Variants in GABBR2 observed in about 807,000 individuals in gnomAD.
The protein encoded by GABBR2 is gamma-aminobutyric acid type B receptor subunit 2.
In GABBR2, 23 loss-of-function variants were observed where a neutral mutation model predicts 105.6. That is an observed-to-expected ratio of 0.22 (90% confidence interval 0.16 to 0.31). The LOEUF (loss-of-function observed/expected upper bound fraction) is 0.31. GABBR2 is among the 10% of genes least tolerant of loss of function. The pLI, the probability that GABBR2 is intolerant of heterozygous loss-of-function variation, is 1.00. For missense variants in GABBR2, 734 were observed against 1,245.5 expected (o/e 0.59, Z 6.18); for synonymous variants, 478 against 499.7 (o/e 0.96, Z 0.58).
intron 11 of GABBR2, among the ~76,000 whole-genome samples, chr9:98,372,326 C>A (rs1017011300): frequency 2.0e-5 from 3 of 152,160 alleles, no homozygotes; most frequent in African/African-American, 7.2e-5. Flanking sequence ...CTCTAATACC[C>A]AGGAGACGTG....
At chr9:98,320,272 A>G (rs1164365364) in intron 13 of GABBR2, among the ~76,000 whole-genome samples, 1 of 151,796 alleles carries the variant, frequency 6.6e-6, no homozygotes, top group Admixed American at 6.6e-5. Flanking sequence ...TCAAAACGAC[A>G]ATGAGATACC....
intron 1 of GABBR2, among the ~76,000 whole-genome samples, chr9:98,588,222 C>G (rs1405490401): frequency 2.0e-5 from 3 of 152,164 alleles, no homozygotes; most frequent in African/African-American, 7.2e-5. Flanking sequence ...AAATCATGTT[C>G]AAAATTAGCC....
chr9:98,542,962 T>TTA (rs34664330), intron 2 of GABBR2, among the ~76,000 whole-genome samples: 29,676 of 152,004 alleles, frequency 0.2, 3,635 homozygotes, highest in East Asian at 0.49. Context: ...TGAAGATATT[T>TTA]TATATATATA....
intron 1 of GABBR2, among the ~76,000 whole-genome samples, chr9:98,670,172 T>C (rs933284388): frequency 6.6e-6 from 1 of 152,034 alleles, no homozygotes; most frequent in Admixed American, 6.6e-5. Flanking sequence ...AATTCACATA[T>C]ACAAATTACC....
At chr9:98,460,912 A>G (rs1826414559) in intron 6 of GABBR2, among the ~76,000 whole-genome samples, 1 of 152,232 alleles carries the variant, frequency 6.6e-6, no homozygotes, top group Non-Finnish European at 1.5e-5. Flanking sequence ...GAGGAAAAAA[A>G]GATGCATTAC....
intron 11 of GABBR2, among the ~76,000 whole-genome samples, chr9:98,382,619 T>C (rs929449216): frequency 1.3e-5 from 2 of 151,976 alleles, no homozygotes; most frequent in African/African-American, 4.8e-5. Flanking sequence ...CCGGCCCCAG[T>C]ACCATTTCCA....
intron 2 of GABBR2, 73 bp downstream of exon 2, chr9:98,577,862 G>T: frequency 7.0e-7 from 1 of 1,432,568 alleles, no homozygotes; most frequent in Middle Eastern, 2.0e-4. Context: ...CATTGTACAA[G>T]GAATAATTCC....
intron 2 of GABBR2, among the ~76,000 whole-genome samples, chr9:98,555,178 C>A (rs1638619197): frequency 6.6e-6 from 1 of 152,354 alleles, no homozygotes; most frequent in African/African-American, 2.4e-5. Flanking sequence ...GTATTTCTTA[C>A]AATCACACAG....
intron 13 of GABBR2, among the ~76,000 whole-genome samples, chr9:98,325,022 G>A (rs887814792): frequency 3.3e-5 from 5 of 152,136 alleles, no homozygotes; most frequent in Admixed American, 6.5e-5. Flanking sequence ...CGGGCTTGAA[G>A]AGACTCAAGT....
chr9:98,610,735 C>A (rs555058517), intron 1 of GABBR2, among the ~76,000 whole-genome samples: 2 of 152,124 alleles, frequency 1.3e-5, no homozygotes, highest in African/African-American at 4.8e-5. Flanking sequence ...GAGACCCTGG[C>A]CCTGCCAAGA....
chr9:98,548,543 T>C (rs1828432348), intron 2 of GABBR2, among the ~76,000 whole-genome samples: 1 of 114,946 alleles, frequency 8.7e-6, no homozygotes. Context: ...CTCATCCAGG[T>C]TTTTTTTCCC....
chr9:98,552,289 T>C (rs1340390396), intron 2 of GABBR2, among the ~76,000 whole-genome samples: 12 of 152,212 alleles, frequency 7.9e-5, no homozygotes, highest in Admixed American at 7.2e-4. Context: ...AGAAAATGAT[T>C]GAGGCTTGCT....
At chr9:98,458,705 A>C (rs1340558277) in intron 6 of GABBR2, among the ~76,000 whole-genome samples, 1 of 152,218 alleles carries the variant, frequency 6.6e-6, no homozygotes, top group Admixed American at 6.5e-5. Context: ...ACTCCATCTC[A>C]AAAACAAAAT....
At chr9:98,403,293 CAAAA>C (rs546167489) in intron 8 of GABBR2, among the ~76,000 whole-genome samples, 213 of 86,116 alleles carry the variant, frequency 2.5e-3, no homozygotes, top group African/African-American at 9.1e-3. Flanking sequence ...GACTCCGTCT[CAAAA>C]AAAAAAAAAA....
intron 1 of GABBR2, chr9:98,608,051 C>A: frequency 7.7e-7 from 1 of 1,305,990 alleles, no homozygotes; most frequent in African/African-American, 1.4e-5. Context: ...AGAAAGCAAA[C>A]TGGGAAGCTC....
chr9:98,639,377 T>A (rs1829927184), intron 1 of GABBR2, among the ~76,000 whole-genome samples: 5 of 152,110 alleles, frequency 3.3e-5, no homozygotes, highest in Admixed American at 3.3e-4. Context: ...CATGTTTGGG[T>A]TGACCTGCAC....
intron 9 of GABBR2, among the ~76,000 whole-genome samples, chr9:98,391,906 T>G (rs748484767): frequency 6.6e-6 from 1 of 151,892 alleles, no homozygotes; most frequent in African/African-American, 2.4e-5. Flanking sequence ...CAGAATGGAT[T>G]GAGGAGGGAA....
At chr9:98,343,287 GA>G (rs1454806531) in intron 13 of GABBR2, among the ~76,000 whole-genome samples, 1 of 152,028 alleles carries the variant, frequency 6.6e-6, no homozygotes, top group Non-Finnish European at 1.5e-5. Context: ...GATGAGAGAA[GA>G]CTTCGGGGTG....
intron 3 of GABBR2, among the ~76,000 whole-genome samples, chr9:98,533,686 G>A (rs1370085027): frequency 1.3e-5 from 2 of 152,148 alleles, no homozygotes; most frequent in African/African-American, 4.8e-5. Flanking sequence ...GTCTTGTGCT[G>A]CATCATGCAA....
Sources: gnomAD v4.1 joint callset for allele counts (sites outside exome capture counted in the v4.1 genomes callset) on GRCh38, gnomAD v4.1.1 for gene constraint, MANE v1.5 for transcripts, NCBI Gene and HGNC (gene_info 2026-07-23, HGNC 2026-07-21) for gene names.